The following FOLH1 variants were observed in gnomAD, a reference collection of about 807,000 sequenced individuals.
FOLH1 encodes the protein folate hydrolase 1, also known as glutamate carboxypeptidase 2.
FOLH1 carries 54 observed loss-of-function variants against 93.9 expected under a neutral mutation model. The ratio of observed to expected loss-of-function variants is 0.57; its 90% CI spans 0.46 to 0.72. The LOEUF is 0.72. Among genes scored for constraint, FOLH1 ranks in the 30% least tolerant of loss-of-function variants. The pLI, the probability that FOLH1 is intolerant of heterozygous loss-of-function variation, is 0.00. For synonymous variants in FOLH1, 249 were observed against 303.6 expected (o/e 0.82, Z 1.87); for missense variants, 571 against 892.5 (o/e 0.64, Z 4.59).
Position 49,183,141 on chromosome 11 carries a change from A to C in FOLH1, c.920+8T>G. The C allele has an allele frequency of 6.3e-7, 1 of 1,591,374 alleles. No homozygotes were observed. On this transcript the variant is annotated splice_region_variant and intron_variant, in intron 7 of 18. Transcript: ENST00000256999. Reference sequence around the variant, plus strand: ...CAAATAGCCATCCATGGTTTCTTACAAACTTACTCTAGGAGCTTCTGTGCA... The same window carrying C: ...CAAATAGCCATCCATGGTTTCTTACCAACTTACTCTAGGAGCTTCTGTGCA...
intron 17 of FOLH1, among the ~76,000 whole-genome samples, chr11:49,149,184 A>C (rs1325159767): frequency 6.6e-6 from 1 of 152,110 alleles, no homozygotes; most frequent in Non-Finnish European, 1.5e-5. Flanking sequence ...CTGTGGAATT[A>C]ACAGGGTGAA....
At chr11:49,194,433 T>C (rs1287458735) in intron 3 of FOLH1, among the ~76,000 whole-genome samples, 1 of 151,986 alleles carries the variant, frequency 6.6e-6, no homozygotes, top group Non-Finnish European at 1.5e-5. Context: ...ATCATATTAA[T>C]AAACATATTT....
At chr11:49,199,698 G>A (rs900223314) in intron 3 of FOLH1, among the ~76,000 whole-genome samples, 1 of 152,094 alleles carries the variant, frequency 6.6e-6, no homozygotes, top group African/African-American at 2.4e-5. Context: ...ATCACCTGAG[G>A]TCAGGAGTTC....
intron 2 of FOLH1, among the ~76,000 whole-genome samples, 160 bp from the exon 3 acceptor site, chr11:49,200,601 G>A (rs1199814194): frequency 6.6e-6 from 1 of 152,142 alleles, no homozygotes; most frequent in African/African-American, 2.4e-5. Context: ...TTCAAAGTCT[G>A]CTTTGAAATT....
chr11:49,168,954 A>G (rs946485371), intron 12 of FOLH1, among the ~76,000 whole-genome samples: 31 of 152,210 alleles, frequency 2.0e-4, no homozygotes, highest in Non-Finnish European at 3.7e-4. Context: ...AAAAGTAAGA[A>G]AAGAAAGAAA....
chr11:49,174,770 C>A (rs878865039), intron 9 of FOLH1, 122 bp downstream of exon 9: 6 of 908,762 alleles, frequency 6.6e-6, no homozygotes, highest in South Asian at 1.8e-5. Flanking sequence ...TGAGTTCCAC[C>A]GATTTTCTTC....
intron 12 of FOLH1, among the ~76,000 whole-genome samples, chr11:49,167,908 A>C (rs1325038386): frequency 1.1e-5 from 1 of 95,136 alleles, no homozygotes; most frequent in African/African-American, 4.2e-5. Context: ...AAACAAAAAA[A>C]CACACACAAA....
intron 13 of FOLH1, among the ~76,000 whole-genome samples, chr11:49,159,360 A>G (rs1029400625): frequency 3.9e-5 from 6 of 152,212 alleles, no homozygotes; most frequent in African/African-American, 7.2e-5. Flanking sequence ...ATGTTATTGA[A>G]AGCTTTTTTC....
chr11:49,145,817 A>T lies in FOLH1; in HGVS notation c.*939T>A, dbSNP rs1251037179. The stretch of plus-strand genomic sequence containing the variant: ...CATATTAACTTTCCCTATTCACATT[A>T]CTGTATGTTTTCTCTGTCTTGATGG... On this transcript the variant is annotated 3_prime_UTR_variant, in exon 19 of 19. Transcript: ENST00000256999. Among the ~76,000 whole-genome samples the T allele has an allele frequency of 6.6e-6, 1 of 152,160 alleles. No individual in the cohort carries two copies.
Position 49,145,290 on chromosome 11 carries a change from C to T in FOLH1, c.*1466G>A, listed in dbSNP as rs1855737259. 6.6e-6 allele frequency among the ~76,000 whole-genome samples: 1 copy of T among 152,082 alleles called. No homozygotes were observed. The highest frequency in any genetic ancestry group is 2.1e-4 in the South Asian group (1 of 4,828). ...TTCCAAGAGGGTGCTTTTCAATCTGCTTTCTGTGTGCACCCTTGGCAAACT... is the reference window on the plus strand; with the variant it reads ...TTCCAAGAGGGTGCTTTTCAATCTGTTTTCTGTGTGCACCCTTGGCAAACT... On this transcript the variant is annotated 3_prime_UTR_variant, in exon 19 of 19. Transcript: ENST00000256999.
chr11:49,156,763 T>C lies in FOLH1; in HGVS notation c.1577A>G (p.Gln526Arg). ...GSGNDFEVFF[Q>R]RLGIASGRAR... ...TCTGCCTGAAGCAATTCCAAGTCGTTGGAAGAACACCTCAAAATCATTTCC... is the reference window on the plus strand; with the variant it reads ...TCTGCCTGAAGCAATTCCAAGTCGTCGGAAGAACACCTCAAAATCATTTCC... The change falls in exon 15 of 19, where the codon CAA becomes CGA. Residue 526 changes from glutamine to arginine, a missense_variant. Gln to Arg is a conservative substitution (Grantham distance 43). Around this residue, in one of 2 missense-constraint regions of FOLH1, gnomAD observed 500 missense variants for 822.9 expected, o/e 0.61. Transcript: ENST00000256999. 4 of 1,612,846 alleles carry C rather than the reference T, an allele frequency of 2.5e-6. No homozygotes were observed. The highest frequency in any genetic ancestry group is 3.4e-6 in the Non-Finnish European group (4 of 1,179,150).
chr11:49,174,230 T>G (rs1245554614), intron 9 of FOLH1, among the ~76,000 whole-genome samples: 1 of 152,202 alleles, frequency 6.6e-6, no homozygotes, highest in Non-Finnish European at 1.5e-5. Context: ...ATCAATATTC[T>G]TGATCTAAAA....
chr11:49,163,800 C>T (rs1733038801), intron 13 of FOLH1, among the ~76,000 whole-genome samples: 1 of 151,970 alleles, frequency 6.6e-6, no homozygotes, highest in South Asian at 2.1e-4. Context: ...ACTCCATGCA[C>T]CTGTGTATCA....
chr11:49,166,503 T>C (rs374472173), intron 12 of FOLH1, among the ~76,000 whole-genome samples: 16 of 152,344 alleles, frequency 1.1e-4, no homozygotes, highest in African/African-American at 3.4e-4. Context: ...TAGCACCCAC[T>C]ACGCTCTTGG....
intron 7 of FOLH1, among the ~76,000 whole-genome samples, chr11:49,177,822 G>A (rs1225410107): frequency 6.6e-6 from 1 of 151,238 alleles, no homozygotes; most frequent in Non-Finnish European, 1.5e-5. Context: ...AATGAGCCGG[G>A]CATGGTGGCA....
intron 6 of FOLH1, among the ~76,000 whole-genome samples, chr11:49,184,368 T>C (rs1464861009): frequency 6.6e-6 from 1 of 152,166 alleles, no homozygotes; most frequent in African/African-American, 2.4e-5. Context: ...ATTAGCCCCA[T>C]AGAAATAACA....
intron 17 of FOLH1, among the ~76,000 whole-genome samples, chr11:49,151,083 A>C (rs922409838): frequency 1.3e-5 from 2 of 152,166 alleles, no homozygotes; most frequent in Non-Finnish European, 2.9e-5. Flanking sequence ...TTCACACTAG[A>C]AAGTTTTAGA....
Position 49,208,485 on chromosome 11 carries a change from G to C in FOLH1, c.-76C>G. 1 of 1,016,390 alleles carries C rather than the reference G, an allele frequency of 9.8e-7. No homozygotes were observed. The highest frequency in any genetic ancestry group is 1.6e-5 in the South Asian group (1 of 63,802). 63.0% of individuals were successfully genotyped at this position (1,016,390 alleles called of 1,614,324 possible). ...CTACTGCGCGCCCTCCAACCACCAC[G>C]GCGGGGTAAAGTCTCTCTCAATCTC... On this transcript the variant is annotated 5_prime_UTR_variant, in exon 1 of 19. Transcript: ENST00000256999.
In FOLH1 at chr11:49,169,638, G is replaced by A. The variant is rs547324982; in HGVS notation, c.1309-380C>T. 2.7e-3 allele frequency among the ~76,000 whole-genome samples: 416 copies of A among 152,272 alleles called. 1 individual carries two copies. Among genetic ancestry groups the A allele is most frequent in the Middle Eastern group, 0.014 (4 of 294 alleles). On this transcript the variant is annotated intron_variant, in intron 11 of 18. Coordinates refer to ENST00000256999, the MANE Select transcript of FOLH1 (RefSeq NM_004476.3). ...ATAAACATCTCATTATTTAAGCAGA[G>A]AATCTTGTCTGATTCATATGGAATG...
Sources: allele counts gnomAD v4.1 joint callset (sites outside exome capture counted in the v4.1 genomes callset), GRCh38; gene constraint gnomAD v4.1.1; regional missense constraint gnomAD v4.1.1; transcripts MANE v1.5; gene names NCBI Gene and HGNC (gene_info 2026-07-23, HGNC 2026-07-21).